GRM1: variants seen among roughly 807,000 people sequenced by gnomAD.
GRM1 encodes the protein glutamate metabotropic receptor 1, also known as metabotropic glutamate receptor 1.
GRM1 carries 33 observed loss-of-function variants against 90.9 expected under a neutral mutation model. The observed-to-expected ratio is 0.36, with a 90% confidence interval of 0.28 to 0.49. GRM1 has a LOEUF of 0.49. GRM1 is among the 20% of genes least tolerant of loss of function. The pLI is 0.99. For missense variants in GRM1, 1,190 were observed against 1,534.3 expected (o/e 0.78, Z 3.75); for synonymous variants, 700 against 613.2 (o/e 1.14, Z -2.09).
rs193299847 is a variant in GRM1, at chr6:146,111,871, T to C, written c.701-47477T>C. 2.0e-5 allele frequency among the ~76,000 whole-genome samples: 3 copies of C among 152,350 alleles called. No homozygotes were observed. In the East Asian group the frequency reaches 5.8e-4, roughly 29 times the overall value. On this transcript the variant is annotated intron_variant, in intron 1 of 7. Transcript: ENST00000282753. ...GAAAAGCTCGTGATACAATGCTTGA[T>C]AGTTAACACTTTAACTGTTTAACAT... is the stretch of plus-strand genomic sequence containing the variant.
chr6:146,274,085 T>C (rs1782266968), intron 2 of GRM1, among the ~76,000 whole-genome samples: 1 of 152,232 alleles, frequency 6.6e-6, no homozygotes, highest in Non-Finnish European at 1.5e-5. Context: ...GTAGCTACAA[T>C]AAGAATGTAT....
chr6:146,254,225 A>G (rs1233196304), intron 2 of GRM1, among the ~76,000 whole-genome samples: 1 of 152,160 alleles, frequency 6.6e-6, no homozygotes, highest in Non-Finnish European at 1.5e-5. Context: ...ACTGCAAGAA[A>G]GAGTGTGTGC....
At chr6:146,398,459 A>G (rs1777045128) in intron 6 of GRM1, among the ~76,000 whole-genome samples, 1 of 152,162 alleles carries the variant, frequency 6.6e-6, no homozygotes, top group South Asian at 2.1e-4. Context: ...TCTTTTTCTG[A>G]ACATGTAGAA....
rs770337985 is a variant in GRM1 at position 146,339,909 on chromosome 6, C to G, written c.1187-12341C>G. 1.6e-4 allele frequency among the ~76,000 whole-genome samples: 25 copies of G among 152,308 alleles called. No individual in the cohort carries two copies. The East Asian group carries it at 3.9e-3, about 24-fold the overall frequency. On this transcript the variant is annotated intron_variant, in intron 3 of 7. Transcript: ENST00000282753. Reference sequence around the variant, plus strand: ...TGGGAAGCCAGGGACCATGGAAACCCATTAAACTGCAACATCCCTTGGCAC... The same window carrying G: ...TGGGAAGCCAGGGACCATGGAAACCGATTAAACTGCAACATCCCTTGGCAC...
At chr6:146,259,283 T>C (rs995775832) in intron 2 of GRM1, among the ~76,000 whole-genome samples, 2 of 152,220 alleles carry the variant, frequency 1.3e-5, no homozygotes, top group African/African-American at 4.8e-5. Context: ...TCAGTGCTTA[T>C]CACACTGACT....
intron 5 of GRM1, among the ~76,000 whole-genome samples, chr6:146,376,240 C>G (rs915196432): frequency 1.3e-5 from 2 of 152,006 alleles, no homozygotes; most frequent in Non-Finnish European, 2.9e-5. Context: ...TTGACTATGT[C>G]TTGAAAAGTT....
At chr6:146,400,325 A>G (rs1216714131) in intron 7 of GRM1, among the ~76,000 whole-genome samples, 1 of 152,160 alleles carries the variant, frequency 6.6e-6, no homozygotes, top group Non-Finnish European at 1.5e-5. Flanking sequence ...ATGTTCCACG[A>G]TGTTATACAT....
At chr6:146,218,348 C>A (rs1463892235) in intron 2 of GRM1, among the ~76,000 whole-genome samples, 4 of 152,148 alleles carry the variant, frequency 2.6e-5, no homozygotes, top group Non-Finnish European at 5.9e-5. Context: ...CAGACATGAA[C>A]TCTTTTTATG....
intron 1 of GRM1, among the ~76,000 whole-genome samples, chr6:146,053,162 T>C (rs1775354408): frequency 2.0e-5 from 3 of 152,130 alleles, no homozygotes; most frequent in Admixed American, 2.0e-4. Context: ...CTAGCTTATT[T>C]CATTTAGGAA....
At chr6:146,095,761 A>AACAG (rs950742406) in intron 1 of GRM1, among the ~76,000 whole-genome samples, 1 of 152,122 alleles carries the variant, frequency 6.6e-6, no homozygotes, top group African/African-American at 2.4e-5. Flanking sequence ...TCATGAGAGT[A>AACAG]ACAGACACTG....
intron 1 of GRM1, among the ~76,000 whole-genome samples, chr6:146,085,818 G>T (rs1247802619): frequency 6.6e-6 from 1 of 152,044 alleles, no homozygotes; most frequent in Non-Finnish European, 1.5e-5. Context: ...TTGCTTTGAG[G>T]ATTTAGGATT....
rs568423418 is a variant in GRM1, at chr6:146,146,589, T to C, written c.701-12759T>C. On this transcript the variant is annotated intron_variant, in intron 1 of 7. Transcript: ENST00000282753. Reference sequence around the variant, plus strand: ...TTTGAACATCCCCTCTGAAACTATGTTGAAACTTAATCCCCAATGTGGTAG... The same window carrying C: ...TTTGAACATCCCCTCTGAAACTATGCTGAAACTTAATCCCCAATGTGGTAG... 9.2e-5 allele frequency among the ~76,000 whole-genome samples: 14 copies of C among 152,148 alleles called. No individual in the cohort carries two copies. The East Asian group carries it at 1.4e-3, about 15-fold the overall frequency.
chr6:146,244,854 C>A (rs1781000124), intron 2 of GRM1, among the ~76,000 whole-genome samples: 1 of 152,164 alleles, frequency 6.6e-6, no homozygotes, highest in African/African-American at 2.4e-5. Context: ...GCCGTGAATT[C>A]ACTAATCGTT....
At chr6:146,302,527 A>T (rs1453216914) in intron 2 of GRM1, among the ~76,000 whole-genome samples, 1 of 151,348 alleles carries the variant, frequency 6.6e-6, no homozygotes, top group Non-Finnish European at 1.5e-5. Flanking sequence ...GTGGACCAAC[A>T]CATCCAGATA....
At chr6:146,187,041 A>G (rs1430521809) in intron 2 of GRM1, among the ~76,000 whole-genome samples, 2 of 152,202 alleles carry the variant, frequency 1.3e-5, no homozygotes, top group Non-Finnish European at 2.9e-5. Context: ...AAGAAATGCA[A>G]TATTACTATG....
At chr6:146,269,573 G>C (rs2114817025) in intron 2 of GRM1, among the ~76,000 whole-genome samples, 1 of 152,322 alleles carries the variant, frequency 6.6e-6, no homozygotes, top group Non-Finnish European at 1.5e-5. Flanking sequence ...GGGCTGTTAG[G>C]AACTGGGCTG....
intron 2 of GRM1, among the ~76,000 whole-genome samples, chr6:146,174,246 C>A (rs1778252467): frequency 6.6e-6 from 1 of 151,030 alleles, no homozygotes; most frequent in South Asian, 2.1e-4. Flanking sequence ...TTTTTTTTTC[C>A]AAAAGGTAGA....
intron 1 of GRM1, among the ~76,000 whole-genome samples, chr6:146,134,550 T>C (rs1027370047): frequency 2.6e-5 from 4 of 152,110 alleles, no homozygotes; most frequent in African/African-American, 4.8e-5. Context: ...CTTCTTCACA[T>C]GGTGTCAGGA....
chr6:146,251,360 C>T (rs1781265114), intron 2 of GRM1, among the ~76,000 whole-genome samples: 2 of 152,142 alleles, frequency 1.3e-5, no homozygotes, highest in African/African-American at 2.4e-5. Context: ...TTTCATAGTG[C>T]TTTTCTAACC....
Sources: allele counts gnomAD v4.1 joint callset (sites outside exome capture counted in the v4.1 genomes callset), GRCh38; gene constraint gnomAD v4.1.1; transcripts MANE v1.5; gene names NCBI Gene and HGNC (gene_info 2026-07-23, HGNC 2026-07-21).